CMC2: variants seen among roughly 807,000 people sequenced by gnomAD.
CMC2 encodes the protein C-X9-C motif containing 2, also known as COX assembly mitochondrial protein 2 homolog.
Under a neutral mutation model 7.5 loss-of-function variants are expected in CMC2, and 5 were observed. The ratio of observed to expected loss-of-function variants is 0.66; its 90% CI spans 0.35 to 1.40. The LOEUF (loss-of-function observed/expected upper bound fraction) is 1.40, where lower values mean the gene tolerates loss of function less well. CMC2 is among the 40% of genes most tolerant of loss of function. The pLI is 0.04. For synonymous variants in CMC2, 37 were observed against 31.4 expected, an observed-to-expected ratio of 1.18 and a Z score of -0.60; for missense variants, 115 against 92.3, an observed-to-expected ratio of 1.25 and a Z score of -1.01.
In CMC2 at chr16:80,999,320, A is replaced by C. The variant is rs1490310199; in HGVS notation, c.-35-1891T>G. On this transcript the variant is annotated intron_variant, in intron 1 of 3. Transcript: ENST00000219400. ...GAATACAATCCCATTTTCAATTGCC[A>C]CCAAAAAAATAAAATACCCAGGAAT... Among the ~76,000 whole-genome samples the C allele has an allele frequency of 2.6e-5, 4 of 152,202 alleles. No homozygotes were observed. In the East Asian group the frequency reaches 5.8e-4, roughly 22 times the overall value.
chr16:80,971,432 T>C lies in CMC2; in HGVS notation c.*4661A>G, dbSNP rs1263880838. ...AAAACAAATAAACAAGAACCTCATT[T>C]ATCAACATAGTATTTTTTTTTTAAA... On this transcript the variant is annotated 3_prime_UTR_variant, in exon 4 of 4. Coordinates refer to ENST00000219400, the MANE Select transcript of CMC2 (RefSeq NM_020188.5). 3 of 150,354 alleles carry C rather than the reference T, an allele frequency of 2.0e-5. No individual in the cohort carries two copies. Among genetic ancestry groups the C allele is most frequent in the African/African-American group, 7.4e-5 (3 of 40,286 alleles). 9.3% of individuals were successfully genotyped at this position (150,354 alleles called of 1,614,324 possible). A position where few individuals can be genotyped will look rare whatever the true frequency, so the allele number is the denominator to read the frequency against.
Position 80,967,026 on chromosome 16 carries a change from C to T in CMC2, c.*9067G>A, listed in dbSNP as rs1050005892. 6.6e-6 allele frequency: 1 copy of T among 152,188 alleles called. No homozygotes were observed. Among genetic ancestry groups the T allele is most frequent in the Non-Finnish European group, 1.5e-5 (1 of 68,030 alleles). The allele number at this position is 152,188 out of a possible 1,614,324, so 9.4% of individuals were successfully genotyped here. ...TAAAGTCCTTTGGGCTACTTCAACA[C>T]TTTATTTATTCTTTATTCACTAAAA... On this transcript the variant is annotated 3_prime_UTR_variant, in exon 4 of 4. Coordinates refer to ENST00000219400, the MANE Select transcript of CMC2 (RefSeq NM_020188.5).
At chr16:80,984,703 T>C (rs370185278) in intron 2 of CMC2, among the ~76,000 whole-genome samples, 1 of 152,200 alleles carries the variant, frequency 6.6e-6, no homozygotes, top group African/African-American at 2.4e-5. Context: ...TCAAGTCAAG[T>C]AGACTTTTCA....
At chr16:80,996,959 AC>A (rs74343942) in intron 2 of CMC2, 12,808 of 439,934 alleles carry the variant, frequency 0.029, 715 homozygotes, top group East Asian at 0.19. Context: ...AAGAGCAGAT[AC>A]TTTTAGAATA....
chr16:80,981,511 T>C (rs1046588890), intron 3 of CMC2, among the ~76,000 whole-genome samples: 4 of 152,214 alleles, frequency 2.6e-5, no homozygotes, highest in African/African-American at 7.2e-5. Context: ...TATAAGTCTT[T>C]CTGCCGGCCA....
chr16:80,994,763 A>G (rs1968271814), intron 2 of CMC2, among the ~76,000 whole-genome samples: 1 of 152,244 alleles, frequency 6.6e-6, no homozygotes, highest in Non-Finnish European at 1.5e-5. Context: ...GTGGCCTTTT[A>G]TGAAGGTACA....
At chr16:80,989,689 T>C (rs560014218) in intron 2 of CMC2, among the ~76,000 whole-genome samples, 2 of 82,746 alleles carry the variant, frequency 2.4e-5, no homozygotes, top group East Asian at 3.0e-4. Flanking sequence ...GAAACAAACA[T>C]AGACACACAT....
At chr16:80,982,010 C>T (rs1446559596) in intron 2 of CMC2, 133 bp from the exon 3 acceptor site, 6 of 571,752 alleles carry the variant, frequency 1.0e-5, no homozygotes, top group Non-Finnish European at 1.8e-5. Context: ...AGTTAAATCA[C>T]ATGTATAAAA....
chr16:80,998,824 C>T (rs1458945302), intron 1 of CMC2: 3 of 152,130 alleles, frequency 2.0e-5, no homozygotes, highest in Admixed American at 1.3e-4. Flanking sequence ...ATTCTCCACA[C>T]AAACAGAATT....
At chr16:81,003,901 A>G (rs1252916241) in intron 1 of CMC2, among the ~76,000 whole-genome samples, 1 of 152,212 alleles carries the variant, frequency 6.6e-6, no homozygotes, top group Non-Finnish European at 1.5e-5. Context: ...CTTGACCTAT[A>G]TATCTCAGTG....
chr16:80,996,738 A>C (rs957507430), intron 2 of CMC2, among the ~76,000 whole-genome samples: 1 of 152,230 alleles, frequency 6.6e-6, no homozygotes, highest in Non-Finnish European at 1.5e-5. Flanking sequence ...TATAAGGAAA[A>C]GCTAAATATT....
At position 80,968,238 on chromosome 16, in the gene CMC2, T is replaced by G. The variant is rs905184593; in HGVS notation, c.*7855A>C. On this transcript the variant is annotated 3_prime_UTR_variant, in exon 4 of 4. Coordinates refer to ENST00000219400, the MANE Select transcript of CMC2 (RefSeq NM_020188.5). ...TCTAAAACTCTCCATTTCTTTTTTT[T>G]ATTTTTATTTTTGTAGAGACAGGGT... is the stretch of plus-strand genomic sequence containing the variant. The G allele has an allele frequency of 5.9e-5, 9 of 152,158 alleles. No homozygotes were observed. The highest frequency in any genetic ancestry group is 4.6e-4 in the Admixed American group (7 of 15,276). 9.4% of individuals were successfully genotyped at this position (152,158 alleles called of 1,614,324 possible).
rs1457112259 is a variant in CMC2, at chr16:80,971,556, CATACATTTT to C, written c.*4528_*4536del. On this transcript the variant is annotated 3_prime_UTR_variant, in exon 4 of 4. Transcript: ENST00000219400. ...AAATATGGCTATGGATACTGACATA[CATACATTTT>C]ATATATATATATATATATATGTATG... 4 of 101,970 alleles carry C rather than the reference CATACATTTT, an allele frequency of 3.9e-5. No homozygotes were observed. Among genetic ancestry groups the C allele is most frequent in the East Asian group, 5.7e-4 (2 of 3,492 alleles). The allele number at this position is 101,970 out of a possible 1,614,324, so 6.3% of individuals were successfully genotyped here. A position where few individuals can be genotyped will look rare whatever the true frequency, so the allele number is the denominator to read the frequency against.
chr16:80,984,225 T>C (rs371003969), intron 2 of CMC2: 1 of 152,248 alleles, frequency 6.6e-6, no homozygotes, highest in Non-Finnish European at 1.5e-5. Flanking sequence ...ACATAATTAG[T>C]GTGTTTGCAC....
At chr16:80,990,112 T>C (rs80097255) in intron 2 of CMC2, among the ~76,000 whole-genome samples, 2,709 of 152,036 alleles carry the variant, frequency 0.018, 52 homozygotes, top group East Asian at 0.053. Flanking sequence ...CTCCCCTTTT[T>C]TTGAGTATAT....
intron 2 of CMC2, among the ~76,000 whole-genome samples, chr16:80,989,124 C>T (rs1967775503): frequency 1.3e-5 from 2 of 152,166 alleles, no homozygotes; most frequent in Non-Finnish European, 2.9e-5. Context: ...ACACCGTATT[C>T]GTTTTTCCTC....
chr16:80,986,813 T>C (rs1055637712), intron 2 of CMC2, among the ~76,000 whole-genome samples: 4 of 152,220 alleles, frequency 2.6e-5, no homozygotes, highest in Admixed American at 2.6e-4. Context: ...AGTTTATTGG[T>C]GGAACAGTTA....
At position 80,971,444 on chromosome 16, in the gene CMC2, ATTTTT is replaced by A. The variant is rs1289532484; in HGVS notation, c.*4644_*4648del. 2 of 141,980 alleles carry A rather than the reference ATTTTT, an allele frequency of 1.4e-5. No individual in the cohort carries two copies. The highest frequency in any genetic ancestry group is 1.4e-4 in the Admixed American group (2 of 14,634). 8.8% of individuals were successfully genotyped at this position (141,980 alleles called of 1,614,324 possible). ...CAAGAACCTCATTTATCAACATAGT[ATTTTT>A]TTTTTAAAAAAAAAAGGTACGCTAC... On this transcript the variant is annotated 3_prime_UTR_variant, in exon 4 of 4. Transcript: ENST00000219400.
chr16:80,977,274 AG>A (rs1166446615), intron 3 of CMC2, among the ~76,000 whole-genome samples: 1 of 152,240 alleles, frequency 6.6e-6, no homozygotes, highest in Non-Finnish European at 1.5e-5. Flanking sequence ...AGGTTACAAC[AG>A]GAGACACAAA....
Sources: allele counts gnomAD v4.1 joint callset (sites outside exome capture counted in the v4.1 genomes callset), GRCh38; gene constraint gnomAD v4.1.1; transcripts MANE v1.5; gene names NCBI Gene and HGNC (gene_info 2026-07-23, HGNC 2026-07-21).